PARD3B: variants seen among roughly 807,000 people sequenced by gnomAD.
The protein encoded by PARD3B is partitioning defective 3 homolog B.
PARD3B carries 103 observed loss-of-function variants against 130.2 expected under a neutral mutation model. The ratio of observed to expected loss-of-function variants is 0.79; its 90% CI spans 0.67 to 0.93. The LOEUF (loss-of-function observed/expected upper bound fraction) is 0.93. Among genes scored for constraint, PARD3B ranks in the 40% least tolerant of loss-of-function variants. The probability of loss-of-function intolerance (pLI) is 0.00; values close to 1 mark genes in which losing one functional copy is unlikely to be tolerated. For missense variants in PARD3B, 1,609 were observed against 1,499.2 expected (o/e 1.07, Z -1.21); for synonymous variants, 583 against 553.2 (o/e 1.05, Z -0.76).
chr2:205,093,211 T>C (rs1702211971), intron 4 of PARD3B, among the ~76,000 whole-genome samples: 1 of 152,122 alleles, frequency 6.6e-6, no homozygotes, highest in Admixed American at 6.6e-5. Context: ...TATATTCTAT[T>C]GAAAGTTAAC....
intron 3 of PARD3B, among the ~76,000 whole-genome samples, chr2:205,035,476 G>A (rs1192338291): frequency 6.6e-6 from 1 of 152,008 alleles, no homozygotes; most frequent in African/African-American, 2.4e-5. Flanking sequence ...GATCTGGTGA[G>A]TGAACAAATC....
intron 20 of PARD3B, among the ~76,000 whole-genome samples, chr2:205,486,942 G>A (rs1318916895): frequency 6.6e-6 from 1 of 152,170 alleles, no homozygotes; most frequent in Non-Finnish European, 1.5e-5. Context: ...TGAAAAGAAT[G>A]TAGGTGATAT....
intron 3 of PARD3B, among the ~76,000 whole-genome samples, chr2:205,002,698 C>A (rs942153128): frequency 6.6e-6 from 1 of 152,142 alleles, no homozygotes; most frequent in African/African-American, 2.4e-5. Context: ...AACAAGAGTC[C>A]CTCTTCAAAA....
intron 15 of PARD3B, among the ~76,000 whole-genome samples, chr2:205,217,736 A>ATGTG (rs1383256456): frequency 4.6e-4 from 69 of 150,066 alleles, no homozygotes; most frequent in African/African-American, 1.7e-3. Context: ...ACATATACAC[A>ATGTG]TATATGTATG....
intron 5 of PARD3B, among the ~76,000 whole-genome samples, chr2:205,112,732 A>G (rs16836962): frequency 0.018 from 2,689 of 152,242 alleles, 56 homozygotes; most frequent in East Asian, 0.12. Flanking sequence ...AGTGCCTTCT[A>G]TATTTCAGTC....
intron 15 of PARD3B, among the ~76,000 whole-genome samples, chr2:205,206,678 C>A (rs58377512): frequency 1.3e-5 from 2 of 151,508 alleles, no homozygotes; most frequent in South Asian, 4.2e-4. Flanking sequence ...AATAAACATA[C>A]GTGTGCATGT....
chr2:205,141,120 G>A lies in PARD3B; in HGVS notation c.1434+15383G>A, dbSNP rs1233870797. The stretch of plus-strand genomic sequence containing the variant: ...TTAGCATATTTGAATTATGAGTTTG[G>A]TTCTTCTTTCGGGTCAAATAGAGTA... On this transcript the variant is annotated intron_variant, in intron 10 of 22. Coordinates refer to ENST00000406610, the MANE Select transcript of PARD3B (RefSeq NM_001302769.2). 2.6e-5 allele frequency among the ~76,000 whole-genome samples: 4 copies of A among 152,060 alleles called. No individual in the cohort carries two copies. In the East Asian group the frequency reaches 7.7e-4, roughly 29 times the overall value.
Position 205,145,339 on chromosome 2 carries a change from GAGAAA to G in PARD3B, c.1435-13377_1435-13373del, listed in dbSNP as rs1054634323. 2.5e-4 allele frequency among the ~76,000 whole-genome samples: 38 copies of G among 150,450 alleles called. No homozygotes were observed. The Middle Eastern group carries it at 0.01, about 40-fold the overall frequency. ...CTCCGCCGCCCCCGCAAAAAAAAAA[GAGAAA>G]AGAAATTTCTCATATGGAAATGAAA... On this transcript the variant is annotated intron_variant, in intron 10 of 22. Transcript: ENST00000406610.
chr2:205,502,572 G>C (rs1333754996), intron 21 of PARD3B, among the ~76,000 whole-genome samples: 1 of 152,090 alleles, frequency 6.6e-6, no homozygotes, highest in Admixed American at 6.6e-5. Context: ...ACTCCCCCAA[G>C]TCCAGAGTCT....
At chr2:205,054,056 A>G (rs995799546) in intron 4 of PARD3B, among the ~76,000 whole-genome samples, 1 of 152,022 alleles carries the variant, frequency 6.6e-6, no homozygotes, top group African/African-American at 2.4e-5. Flanking sequence ...CTGCCATCCG[A>G]TATTTCATGG....
chr2:205,020,840 G>A (rs1197290962), intron 3 of PARD3B, among the ~76,000 whole-genome samples: 1 of 152,138 alleles, frequency 6.6e-6, no homozygotes, highest in African/African-American at 2.4e-5. Flanking sequence ...AGCTCTCAAT[G>A]TGAAATCAGA....
intron 16 of PARD3B, among the ~76,000 whole-genome samples, chr2:205,254,541 A>G (rs1368100045): frequency 6.6e-6 from 1 of 152,166 alleles, no homozygotes; most frequent in Non-Finnish European, 1.5e-5. Flanking sequence ...AATACTGTTT[A>G]TTGGAGGTAA....
chr2:204,701,390 A>T (rs537501102), intron 2 of PARD3B, among the ~76,000 whole-genome samples: 1 of 152,238 alleles, frequency 6.6e-6, no homozygotes, highest in African/African-American at 2.4e-5. Context: ...TACTCATGGG[A>T]CTTATTGGGC....
intron 20 of PARD3B, among the ~76,000 whole-genome samples, chr2:205,484,391 T>G (rs1249357314): frequency 1.3e-5 from 2 of 152,164 alleles, no homozygotes; most frequent in Non-Finnish European, 2.9e-5. Context: ...CCTTTTGGCC[T>G]TTTTTCTTCT....
At chr2:205,294,858 G>A (rs367864446) in intron 16 of PARD3B, among the ~76,000 whole-genome samples, 14 of 152,160 alleles carry the variant, frequency 9.2e-5, no homozygotes, top group African/African-American at 2.9e-4. Context: ...CTATGGTAAT[G>A]AATAGGAAAC....
chr2:205,549,506 T>C (rs1283638817), intron 21 of PARD3B, among the ~76,000 whole-genome samples: 1 of 152,098 alleles, frequency 6.6e-6, no homozygotes, highest in East Asian at 1.9e-4. Context: ...CAAACTTAAA[T>C]GCATATGACC....
intron 3 of PARD3B, among the ~76,000 whole-genome samples, chr2:204,997,669 A>G (rs1479408626): frequency 1.3e-5 from 2 of 152,130 alleles, no homozygotes; most frequent in East Asian, 1.9e-4. Context: ...ATGATTGACT[A>G]TTCTTTTCAA....
intron 18 of PARD3B, among the ~76,000 whole-genome samples, chr2:205,355,797 G>A (rs1016865613): frequency 7.9e-5 from 12 of 152,164 alleles, no homozygotes; most frequent in African/African-American, 2.9e-4. Context: ...TACAATGATG[G>A]CAGAAAGCGA....
At position 205,352,136 on chromosome 2, in the gene PARD3B, C is replaced by T. The variant is rs1416786319; in HGVS notation, c.2631-48877C>T. ...CTATGTGTATAAAGACGGTATTTGT[C>T]ATTGAGCTTAGTGCTTTTTGTAGGG... On this transcript the variant is annotated intron_variant, in intron 18 of 22. Transcript: ENST00000406610. The surrounding 1 kb of genome is among the most constrained non-coding windows in gnomAD (Gnocchi z 5.2). Among the ~76,000 whole-genome samples the T allele has an allele frequency of 6.6e-6, 1 of 152,160 alleles. No homozygotes were observed. Among genetic ancestry groups the T allele is most frequent in the Non-Finnish European group, 1.5e-5 (1 of 68,044 alleles).
Sources: gnomAD v4.1 joint callset for allele counts (sites outside exome capture counted in the v4.1 genomes callset) on GRCh38, gnomAD v4.1.1 for gene constraint, Gnocchi (gnomAD v3.1) non-coding constraint, MANE v1.5 for transcripts, NCBI Gene and HGNC (gene_info 2026-07-23, HGNC 2026-07-21) for gene names.